PDE4D: variants seen among roughly 807,000 people sequenced by gnomAD.
PDE4D encodes the protein 3',5'-cyclic-AMP phosphodiesterase 4D.
Under a neutral mutation model 87.4 loss-of-function variants are expected in PDE4D, and 24 were observed. The ratio of observed to expected loss-of-function variants is 0.27; its 90% CI spans 0.20 to 0.39. PDE4D has a LOEUF of 0.39. Among genes scored for constraint, PDE4D ranks in the 10% least tolerant of loss-of-function variants. The probability of loss-of-function intolerance (pLI) is 1.00; values close to 1 mark genes in which losing one functional copy is unlikely to be tolerated. For missense variants in PDE4D, 714 were observed against 1,041.0 expected (o/e 0.69, Z 4.32); for synonymous variants, 384 against 383.2 (o/e 1.00, Z -0.02).
chr5:60,035,856 T>C (rs1767737891), intron 2 of PDE4D, among the ~76,000 whole-genome samples: 1 of 152,218 alleles, frequency 6.6e-6, no homozygotes, highest in Non-Finnish European at 1.5e-5. Context: ...GCTGGGGTCT[T>C]AGCATGAGAA....
chr5:59,526,203 T>A (rs1241672624), intron 1 of PDE4D, among the ~76,000 whole-genome samples: 1 of 152,120 alleles, frequency 6.6e-6, no homozygotes, highest in Non-Finnish European at 1.5e-5. Flanking sequence ...TTAGAAAAAG[T>A]ACACGCTGCA....
intron 1 of PDE4D, among the ~76,000 whole-genome samples, chr5:59,567,304 C>T (rs946493050): frequency 2.0e-5 from 3 of 152,248 alleles, no homozygotes; most frequent in African/African-American, 7.2e-5. Context: ...GTGGAAACTA[C>T]AAGTTACTAT....
At chr5:60,294,724 CT>C (rs1395863903) in intron 1 of PDE4D, among the ~76,000 whole-genome samples, 1 of 151,606 alleles carries the variant, frequency 6.6e-6, no homozygotes, top group Non-Finnish European at 1.5e-5. Context: ...TTTGTCTATC[CT>C]TATGTCAAAA....
At chr5:59,221,879 A>G (rs1282616475) in intron 1 of PDE4D, among the ~76,000 whole-genome samples, 2 of 152,342 alleles carry the variant, frequency 1.3e-5, no homozygotes, top group East Asian at 3.9e-4. Context: ...ATGCAATTTA[A>G]GAATGCACAC....
chr5:59,291,506 T>C (rs1767999434), intron 1 of PDE4D, among the ~76,000 whole-genome samples: 2 of 152,026 alleles, frequency 1.3e-5, no homozygotes, highest in South Asian at 4.2e-4. Flanking sequence ...TAAGAGCTAA[T>C]ATTTGATAGT....
intron 1 of PDE4D, among the ~76,000 whole-genome samples, chr5:60,269,878 C>A (rs565858523): frequency 1.1e-4 from 17 of 152,136 alleles, no homozygotes; most frequent in African/African-American, 3.9e-4. Context: ...ACAAAAAGAG[C>A]AAAATCAATA....
chr5:59,319,210 TC>T (rs1408534598), intron 1 of PDE4D, among the ~76,000 whole-genome samples: 2 of 151,526 alleles, frequency 1.3e-5, no homozygotes, highest in African/African-American at 4.8e-5. Context: ...CCAAGACCTT[TC>T]TCCTTCCCTA....
chr5:60,289,082 A>T (rs1583314247), intron 1 of PDE4D, among the ~76,000 whole-genome samples: 1 of 152,170 alleles, frequency 6.6e-6, no homozygotes, highest in Non-Finnish European at 1.5e-5. Flanking sequence ...CACCGTCACT[A>T]CGTTTTTGCA....
chr5:60,272,292 C>A (rs1282998069), intron 1 of PDE4D, among the ~76,000 whole-genome samples: 1 of 152,152 alleles, frequency 6.6e-6, no homozygotes, highest in Non-Finnish European at 1.5e-5. Context: ...TGGCAAAGGC[C>A]CTAGAGATGT....
intron 1 of PDE4D, among the ~76,000 whole-genome samples, chr5:60,349,488 T>C (rs182759776): frequency 2.9e-4 from 44 of 152,298 alleles, no homozygotes; most frequent in African/African-American, 1.0e-3. Flanking sequence ...AATTTAAAGA[T>C]CGAATCATGC....
At chr5:59,385,168 G>T (rs1786727956) in intron 1 of PDE4D, among the ~76,000 whole-genome samples, 1 of 151,954 alleles carries the variant, frequency 6.6e-6, no homozygotes, top group African/African-American at 2.4e-5. Flanking sequence ...TTGCTTTCTA[G>T]GCCCGCTAGA....
intron 1 of PDE4D, among the ~76,000 whole-genome samples, chr5:60,365,087 A>G (rs1268226206): frequency 6.6e-6 from 1 of 152,226 alleles, no homozygotes; most frequent in Non-Finnish European, 1.5e-5. Context: ...TTTAAAACTC[A>G]TTAAAAGTAG....
intron 1 of PDE4D, among the ~76,000 whole-genome samples, chr5:59,389,788 G>A (rs1002150295): frequency 1.2e-4 from 19 of 152,140 alleles, no homozygotes; most frequent in African/African-American, 4.6e-4. Flanking sequence ...CTCATATGTG[G>A]GAGCTAAAAC....
chr5:59,006,343 T>C (rs116625688), intron 6 of PDE4D, among the ~76,000 whole-genome samples: 1,761 of 152,232 alleles, frequency 0.012, 41 homozygotes, highest in African/African-American at 0.04. Context: ...TGCGGGAGGA[T>C]TGCTTGAGGC....
intron 1 of PDE4D, among the ~76,000 whole-genome samples, chr5:59,491,806 T>G (rs776275492): frequency 7.2e-5 from 11 of 152,234 alleles, no homozygotes; most frequent in Non-Finnish European, 1.5e-4. Flanking sequence ...ATCGCTATAC[T>G]CTTCCTGGTG....
intron 1 of PDE4D, among the ~76,000 whole-genome samples, chr5:60,378,207 C>G (rs2149999317): frequency 6.6e-6 from 1 of 152,308 alleles, no homozygotes; most frequent in Non-Finnish European, 1.5e-5. Flanking sequence ...AAGAATATTT[C>G]ATGGTGACAT....
chr5:59,790,055 C>T (rs1466282376), intron 1 of PDE4D, among the ~76,000 whole-genome samples: 1 of 152,122 alleles, frequency 6.6e-6, no homozygotes, highest in Non-Finnish European at 1.5e-5. Context: ...CTACTTTATG[C>T]CAAACCTGTG....
At chr5:59,427,817 C>CAAAAA (rs11356537) in intron 1 of PDE4D, among the ~76,000 whole-genome samples, 1 of 66,638 alleles carries the variant, frequency 1.5e-5, no homozygotes, top group African/African-American at 3.9e-5. Flanking sequence ...GACCCTGTCT[C>CAAAAA]AAAAAAAAAA....
chr5:60,126,212 A>G (rs1377762153), intron 2 of PDE4D, among the ~76,000 whole-genome samples: 4 of 152,090 alleles, frequency 2.6e-5, no homozygotes, highest in African/African-American at 9.7e-5. Flanking sequence ...AAAAAAAAAA[A>G]AAAGGTTGTT....
Sources: allele counts gnomAD v4.1 joint callset (sites outside exome capture counted in the v4.1 genomes callset), GRCh38; gene constraint gnomAD v4.1.1; transcripts MANE v1.5; gene names NCBI Gene and HGNC (gene_info 2026-07-23, HGNC 2026-07-21).